Variants in RBFOX1 observed in about 807,000 individuals in gnomAD.
RBFOX1 encodes the protein RNA binding fox-1 homolog 1, also known as RNA binding protein fox-1 homolog 1.
A neutral mutation model predicts 57.7 loss-of-function variants in RBFOX1; 8 were observed. The observed-to-expected ratio is 0.14, with a 90% CI of 0.08 to 0.25. The LOEUF (loss-of-function observed/expected upper bound fraction) is 0.25. Ranked by LOEUF, RBFOX1 falls within the 10% of genes least tolerant of loss-of-function variation. The pLI, the probability that RBFOX1 is intolerant of heterozygous loss-of-function variation, is 1.00. For synonymous variants in RBFOX1, 326 were observed against 222.4 expected (o/e 1.47, Z -4.15); for missense variants, 611 against 548.5 (o/e 1.11, Z -1.14).
chr16:6,188,467 C>T (rs1476805058), intron 1 of RBFOX1, among the ~76,000 whole-genome samples: 3 of 147,540 alleles, frequency 2.0e-5, no homozygotes, highest in Admixed American at 2.0e-4. Flanking sequence ...TGTTCGTAAA[C>T]CTGGCTGGCA....
chr16:7,386,218 C>T (rs944420873), intron 4 of RBFOX1, among the ~76,000 whole-genome samples: 1 of 152,232 alleles, frequency 6.6e-6, no homozygotes, highest in South Asian at 2.1e-4. Flanking sequence ...CTTTCCTTCT[C>T]ACTAAAGTGC....
intron 1 of RBFOX1, among the ~76,000 whole-genome samples, chr16:5,274,420 T>C (rs11860975): frequency 0.34 from 51,233 of 151,986 alleles, 8,747 homozygotes; most frequent in African/African-American, 0.39. Flanking sequence ...TCCCAGCTAC[T>C]CTGGAGGCTG....
chr16:7,116,536 G>C (rs1183810335), intron 4 of RBFOX1, among the ~76,000 whole-genome samples: 1 of 152,092 alleles, frequency 6.6e-6, no homozygotes, highest in Admixed American at 6.5e-5. Context: ...CTCTGCTCCA[G>C]CTTACTGTAT....
intron 3 of RBFOX1, among the ~76,000 whole-genome samples, chr16:6,872,320 C>T (rs577082052): frequency 4.6e-5 from 7 of 152,146 alleles, no homozygotes. Flanking sequence ...CTGTCTCCCT[C>T]TCTTCCTTCC....
intron 3 of RBFOX1, among the ~76,000 whole-genome samples, chr16:7,031,153 A>C (rs1463182604): frequency 6.6e-6 from 1 of 152,200 alleles, no homozygotes; most frequent in Non-Finnish European, 1.5e-5. Context: ...TAGTGGCTAC[A>C]GCTTTGCATG....
At position 7,332,799 on chromosome 16, in the gene RBFOX1, G is replaced by T. The variant is rs182615482; in HGVS notation, c.28-185348G>T. 5.7e-6 allele frequency: 8 copies of T among 1,395,912 alleles called. No individual in the cohort carries two copies. In the East Asian group the frequency reaches 7.7e-5, roughly 13 times the overall value. The allele number at this position is 1,395,912 out of a possible 1,614,324, so 86.5% of individuals were successfully genotyped here. A position where few individuals can be genotyped will look rare whatever the true frequency, so the allele number is the denominator to read the frequency against. ...TTTGCAGCTGCTGTGTCTCTTCGTC[G>T]TCTGGGAAGAAAACTTTCACATTAA... On this transcript the variant is annotated intron_variant, in intron 4 of 15. Coordinates refer to ENST00000550418, the MANE Select transcript of RBFOX1 (RefSeq NM_018723.4).
chr16:7,418,344 A>G (rs991227259), intron 4 of RBFOX1, among the ~76,000 whole-genome samples: 3 of 152,172 alleles, frequency 2.0e-5, no homozygotes, highest in Non-Finnish European at 2.9e-5. Context: ...TCACAGGGCA[A>G]AGCATCTCCT....
chr16:5,240,763 T>G (rs1217599847), intron 1 of RBFOX1, among the ~76,000 whole-genome samples: 2 of 152,194 alleles, frequency 1.3e-5, no homozygotes, highest in Non-Finnish European at 2.9e-5. Flanking sequence ...CCTGCACACG[T>G]GGGCCCCTGA....
intron 3 of RBFOX1, among the ~76,000 whole-genome samples, chr16:5,802,518 G>C (rs978160285): frequency 6.6e-6 from 1 of 152,164 alleles, no homozygotes; most frequent in African/African-American, 2.4e-5. Context: ...TGCCATCACA[G>C]ACTCTCAGAG....
chr16:5,340,045 A>T (rs1252545173), intron 1 of RBFOX1, among the ~76,000 whole-genome samples: 1 of 152,180 alleles, frequency 6.6e-6, no homozygotes, highest in Admixed American at 6.5e-5. Context: ...CAAAATCAGT[A>T]TGGGCCAGAT....
At chr16:6,836,774 A>C (rs965224575) in intron 3 of RBFOX1, among the ~76,000 whole-genome samples, 3 of 152,172 alleles carry the variant, frequency 2.0e-5, no homozygotes, top group Non-Finnish European at 4.4e-5. Flanking sequence ...CATTACAGAA[A>C]TTTCTAATTT....
chr16:6,845,099 G>C (rs553323220), intron 3 of RBFOX1, among the ~76,000 whole-genome samples: 97 of 152,296 alleles, frequency 6.4e-4, no homozygotes, highest in African/African-American at 2.2e-3. Flanking sequence ...CAGATGGATA[G>C]ATTGCGAACA....
intron 1 of RBFOX1, among the ~76,000 whole-genome samples, chr16:5,338,734 C>G (rs922260449): frequency 9.2e-5 from 14 of 152,314 alleles, no homozygotes; most frequent in Non-Finnish European, 5.9e-5. Context: ...TCATAGTTCA[C>G]TGGAGCCTCT....
chr16:7,122,067 G>A (rs1600230), intron 4 of RBFOX1, among the ~76,000 whole-genome samples: 88,345 of 151,794 alleles, frequency 0.58, 25,836 homozygotes, highest in East Asian at 0.71. Context: ...GAACACATGG[G>A]TAAAATATTC....
chr16:6,325,561 A>T (rs755552207), intron 2 of RBFOX1, among the ~76,000 whole-genome samples: 1 of 152,170 alleles, frequency 6.6e-6, no homozygotes, highest in Non-Finnish European at 1.5e-5. Context: ...TCTCAGCTCA[A>T]CCTGAGGATG....
chr16:5,816,810 T>G (rs548258224), intron 3 of RBFOX1, among the ~76,000 whole-genome samples: 1 of 152,230 alleles, frequency 6.6e-6, no homozygotes, highest in South Asian at 2.1e-4. Context: ...GCCCTAGATC[T>G]AGGCTGAAAA....
intron 3 of RBFOX1, among the ~76,000 whole-genome samples, chr16:6,948,115 A>T (rs1465788950): frequency 6.6e-6 from 1 of 152,008 alleles, no homozygotes; most frequent in African/African-American, 2.4e-5. Flanking sequence ...TTTGAGAAGG[A>T]GTAGAAAACA....
At chr16:5,395,943 C>G (rs1023847895) in intron 1 of RBFOX1, among the ~76,000 whole-genome samples, 1 of 152,200 alleles carries the variant, frequency 6.6e-6, no homozygotes, top group Admixed American at 6.5e-5. Context: ...CCCTCGGGAG[C>G]TTGGAAGCAG....
At chr16:6,499,375 G>A (rs1432762578) in intron 2 of RBFOX1, among the ~76,000 whole-genome samples, 3 of 150,732 alleles carry the variant, frequency 2.0e-5, no homozygotes, top group Non-Finnish European at 1.5e-5. Flanking sequence ...ACAGCCATGT[G>A]TAAAAAAAAA....
Sources: allele counts gnomAD v4.1 joint callset (sites outside exome capture counted in the v4.1 genomes callset), GRCh38; gene constraint gnomAD v4.1.1; transcripts MANE v1.5; gene names NCBI Gene and HGNC (gene_info 2026-07-23, HGNC 2026-07-21).